NUAK1: variants seen among roughly 807,000 people sequenced by gnomAD.
NUAK1 encodes NUAK family kinase 1, also known as NUAK family SNF1-like kinase 1.
Under a neutral mutation model 56.9 loss-of-function variants are expected in NUAK1, and 26 were observed. The observed-to-expected ratio is 0.46, with a 90% CI of 0.33 to 0.63. The LOEUF (loss-of-function observed/expected upper bound fraction) is 0.63, where lower values mean the gene tolerates loss of function less well. Among genes scored for constraint, NUAK1 ranks in the 30% least tolerant of loss-of-function variants. The pLI, the probability that NUAK1 is intolerant of heterozygous loss-of-function variation, is 0.02. For missense variants in NUAK1, 727 were observed against 876.1 expected, an observed-to-expected ratio of 0.83 and a Z score of 2.15; for synonymous variants, 337 against 336.0, an observed-to-expected ratio of 1.00 and a Z score of -0.03.
chr12:106,133,364 G>A lies in NUAK1; in HGVS notation c.240+5050C>T, dbSNP rs2136486304. 2.0e-5 allele frequency among the ~76,000 whole-genome samples: 3 copies of A among 152,210 alleles called. No individual in the cohort carries two copies. The East Asian group carries it at 5.8e-4, about 29-fold the overall frequency. On this transcript the variant is annotated intron_variant, in intron 1 of 6. Coordinates refer to ENST00000261402, the MANE Select transcript of NUAK1 (RefSeq NM_014840.3). ...CCTCCTCTAGATACCCTTCCGGAAG[G>A]GTGGGCGATCACCCCATGGCTGCTC... is the stretch of plus-strand genomic sequence containing the variant.
chr12:106,113,483 C>T (rs971253634), intron 1 of NUAK1, among the ~76,000 whole-genome samples: 1 of 151,754 alleles, frequency 6.6e-6, no homozygotes, highest in African/African-American at 2.4e-5. Context: ...GATTCCTGGG[C>T]CCACCCCAGA....
chr12:106,067,274 C>A lies in NUAK1; in HGVS notation c.1514G>T (p.Ser505Ile), dbSNP rs1473915287. Residue 505 changes from serine (S) to isoleucine (I), a missense_variant, in exon 7 of 7, where the codon AGC (serine) becomes ATC (isoleucine). By Grantham distance (142) the Ser-to-Ile change is moderately radical. Transcript: ENST00000261402. This position sits in a 1 kb window ranked among gnomAD's most constrained non-coding sequence, Gnocchi z 6.0. ...DVMGSSIPSP[S>I]PPDPARVTSH... ...GGTTACCCTGGCTGGGTCCGGGGGG[C>A]TGGGGGAGGGGATGCTGCTGCCCAT... The A allele has an allele frequency of 6.2e-7, 1 of 1,614,022 alleles. No individual in the cohort carries two copies. Among genetic ancestry groups the A allele is most frequent in the Admixed American group, 1.7e-5 (1 of 60,024 alleles).
intron 2 of NUAK1, among the ~76,000 whole-genome samples, chr12:106,092,843 C>G (rs964521896): frequency 6.6e-6 from 1 of 152,226 alleles, no homozygotes; most frequent in Admixed American, 6.5e-5. Flanking sequence ...TCTCCACCCC[C>G]TTCCTCCATC....
chr12:106,090,555 A>G (rs577405769), intron 2 of NUAK1, among the ~76,000 whole-genome samples: 20 of 152,294 alleles, frequency 1.3e-4, no homozygotes, highest in African/African-American at 4.8e-4. Context: ...AATAATTCCC[A>G]TAACTACAAA....
At chr12:106,101,348 G>C (rs533754521) in intron 2 of NUAK1, among the ~76,000 whole-genome samples, 16 of 152,336 alleles carry the variant, frequency 1.1e-4, no homozygotes, top group African/African-American at 3.8e-4. Flanking sequence ...GAGCTGAACT[G>C]CATCCCCGCA....
At chr12:106,075,510 G>A (rs1373819973) in intron 4 of NUAK1, among the ~76,000 whole-genome samples, 1 of 152,110 alleles carries the variant, frequency 6.6e-6, no homozygotes, top group Non-Finnish European at 1.5e-5. Context: ...TCCCTACTGT[G>A]TCATGGTGGA....
At chr12:106,098,817 T>A (rs902726632) in intron 2 of NUAK1, among the ~76,000 whole-genome samples, 2 of 152,206 alleles carry the variant, frequency 1.3e-5, no homozygotes. Context: ...CTTTGATGTT[T>A]GAACTTCGGT....
At chr12:106,124,195 C>T (rs1409485744) in intron 1 of NUAK1, among the ~76,000 whole-genome samples, 1 of 152,166 alleles carries the variant, frequency 6.6e-6, no homozygotes, top group Admixed American at 6.5e-5. Flanking sequence ...AGGAATCCTG[C>T]CTGATTCCCT....
intron 2 of NUAK1, among the ~76,000 whole-genome samples, chr12:106,103,670 C>T (rs367966416): frequency 2.6e-5 from 4 of 152,288 alleles, no homozygotes; most frequent in Middle Eastern, 3.4e-3. Flanking sequence ...TATGGTTTGG[C>T]TATCTCCCCA....
At chr12:106,088,135 A>G (rs530439530) in intron 2 of NUAK1, among the ~76,000 whole-genome samples, 1 of 152,346 alleles carries the variant, frequency 6.6e-6, no homozygotes, top group African/African-American at 2.4e-5. Context: ...GCCACAAATG[A>G]CAGGCTGTCC....
chr12:106,091,024 G>C (rs535756323), intron 2 of NUAK1, among the ~76,000 whole-genome samples: 1 of 152,158 alleles, frequency 6.6e-6, no homozygotes, highest in Non-Finnish European at 1.5e-5. Flanking sequence ...TCCTTTGCCC[G>C]TGCTTAAGGT....
At chr12:106,093,159 G>T (rs1185182228) in intron 2 of NUAK1, among the ~76,000 whole-genome samples, 1 of 152,188 alleles carries the variant, frequency 6.6e-6, no homozygotes, top group East Asian at 1.9e-4. Flanking sequence ...GGCCTGAAAA[G>T]ATTTCTAGAA....
At chr12:106,118,279 C>T (rs2032939608) in intron 1 of NUAK1, among the ~76,000 whole-genome samples, 1 of 152,220 alleles carries the variant, frequency 6.6e-6, no homozygotes, top group Admixed American at 6.5e-5. Context: ...AAGAACTCCC[C>T]AAGTTTCCAC....
intron 1 of NUAK1, among the ~76,000 whole-genome samples, chr12:106,130,896 A>G (rs1049650126): frequency 1.3e-5 from 2 of 152,198 alleles, no homozygotes; most frequent in African/African-American, 4.8e-5. Flanking sequence ...AACAATCCAT[A>G]AAAGAAGAAC....
intron 2 of NUAK1, among the ~76,000 whole-genome samples, chr12:106,102,953 C>A (rs548752001): frequency 3.9e-5 from 6 of 152,306 alleles, no homozygotes; most frequent in African/African-American, 1.4e-4. Flanking sequence ...TTCTAGTAAC[C>A]TAAAGACCTT....
rs1592867183 is a variant in NUAK1, at chr12:106,138,864, C to T, written c.-211G>A. ...CGCGGCGCGCACGGTCCGCGCACCG[C>T]CCCCCGGCCGCGGCGAGCTGTGGAG... On this transcript the variant is annotated 5_prime_UTR_variant, in exon 1 of 7. Coordinates refer to ENST00000261402, the MANE Select transcript of NUAK1 (RefSeq NM_014840.3). The surrounding 1 kb of genome is among the most constrained non-coding windows in gnomAD (Gnocchi z 5.0). 7.5e-6 allele frequency: 4 copies of T among 530,666 alleles called. No homozygotes were observed. The highest frequency in any genetic ancestry group is 5.7e-6 in the Non-Finnish European group (2 of 348,188). 32.9% of individuals were successfully genotyped at this position (530,666 alleles called of 1,614,324 possible).
intron 4 of NUAK1, among the ~76,000 whole-genome samples, chr12:106,074,784 G>A (rs538285386): frequency 6.6e-6 from 1 of 152,242 alleles, no homozygotes; most frequent in Non-Finnish European, 1.5e-5. Flanking sequence ...ATCCCTGAAT[G>A]AATGGAATGT....
intron 2 of NUAK1, among the ~76,000 whole-genome samples, chr12:106,096,109 C>T (rs549757819): frequency 6.6e-6 from 1 of 152,238 alleles, no homozygotes; most frequent in Non-Finnish European, 1.5e-5. Flanking sequence ...ATTAAGAAAG[C>T]TATCCCAGTT....
chr12:106,075,164 T>C (rs1394283809), intron 4 of NUAK1, among the ~76,000 whole-genome samples: 2 of 152,146 alleles, frequency 1.3e-5, no homozygotes, highest in Non-Finnish European at 2.9e-5. Flanking sequence ...CCCACTCCTA[T>C]CCTCACAGAC....
Sources: gnomAD v4.1 joint callset for allele counts (sites outside exome capture counted in the v4.1 genomes callset) on GRCh38, gnomAD v4.1.1 for gene constraint, Gnocchi (gnomAD v3.1) non-coding constraint, MANE v1.5 for transcripts, NCBI Gene and HGNC (gene_info 2026-07-23, HGNC 2026-07-21) for gene names.